The following FOXP2 variants were observed in gnomAD, a reference collection of about 807,000 sequenced individuals.
FOXP2 encodes forkhead box protein P2.
FOXP2 carries 12 observed loss-of-function variants against 115.8 expected under a neutral mutation model. That is an observed-to-expected ratio of 0.10 (90% confidence interval 0.07 to 0.17). The LOEUF is 0.17. Among genes scored for constraint, FOXP2 ranks in the 10% least tolerant of loss-of-function variants. The pLI, the probability that FOXP2 is intolerant of heterozygous loss-of-function variation, is 1.00. For synonymous variants in FOXP2, 328 were observed against 297.7 expected, an observed-to-expected ratio of 1.10 and a Z score of -1.05; for missense variants, 629 against 843.5, an observed-to-expected ratio of 0.75 and a Z score of 3.15.
chr7:114,267,304 C>T (rs781370584), intron 1 of FOXP2, among the ~76,000 whole-genome samples: 4 of 152,056 alleles, frequency 2.6e-5, no homozygotes, highest in Admixed American at 6.6e-5. Context: ...TTGCAAGTAT[C>T]GCCAAATTCA....
chr7:114,316,653 G>C (rs1276060887), intron 2 of FOXP2, among the ~76,000 whole-genome samples: 1 of 152,084 alleles, frequency 6.6e-6, no homozygotes, highest in Admixed American at 6.6e-5. Flanking sequence ...GTAGATATGA[G>C]AGAAGAGCAT....
intron 1 of FOXP2, among the ~76,000 whole-genome samples, chr7:114,145,379 A>G (rs1376913168): frequency 6.6e-6 from 1 of 152,004 alleles, no homozygotes; most frequent in African/African-American, 2.4e-5. Context: ...GAAATAGATA[A>G]CTTTGAATAA....
chr7:114,275,066 C>T (rs569267465), intron 1 of FOXP2, among the ~76,000 whole-genome samples: 1 of 151,946 alleles, frequency 6.6e-6, no homozygotes, highest in South Asian at 2.1e-4. Flanking sequence ...TTCTTTTCCT[C>T]TTTATTTTTT....
At chr7:114,490,760 G>T (rs571105437) in intron 2 of FOXP2, among the ~76,000 whole-genome samples, 56 of 152,108 alleles carry the variant, frequency 3.7e-4, no homozygotes, top group African/African-American at 1.2e-3. Flanking sequence ...GCGGTGTTTG[G>T]TTTTTTGTCC....
At chr7:114,217,403 A>G (rs967192204) in intron 1 of FOXP2, among the ~76,000 whole-genome samples, 1 of 152,336 alleles carries the variant, frequency 6.6e-6, no homozygotes, top group African/African-American at 2.4e-5. Flanking sequence ...TTTACTAGGA[A>G]CAAAATGGTT....
At chr7:114,381,750 T>G (rs1488837627) in intron 2 of FOXP2, among the ~76,000 whole-genome samples, 1 of 152,108 alleles carries the variant, frequency 6.6e-6, no homozygotes, top group East Asian at 1.9e-4. Context: ...ACTCCTAAAA[T>G]TGGAGTCTTG....
chr7:114,610,172 A>C (rs985640690), intron 3 of FOXP2, among the ~76,000 whole-genome samples: 4 of 152,206 alleles, frequency 2.6e-5, no homozygotes, highest in Non-Finnish European at 5.9e-5. Flanking sequence ...TCAATTATTC[A>C]TAGTTAACAT....
intron 1 of FOXP2, among the ~76,000 whole-genome samples, chr7:114,167,887 G>A (rs1793025236): frequency 7.1e-6 from 1 of 140,734 alleles, no homozygotes; most frequent in Non-Finnish European, 1.5e-5. Context: ...AGTGAGCCGA[G>A]ATTACACCAC....
intron 2 of FOXP2, among the ~76,000 whole-genome samples, chr7:114,314,197 A>AT (rs1256528167): frequency 2.0e-5 from 3 of 151,140 alleles, no homozygotes; most frequent in Admixed American, 2.0e-4. Flanking sequence ...AAAGATTATC[A>AT]TAAGTAATGA....
At chr7:114,554,434 T>TGG (rs748934677) in intron 3 of FOXP2, among the ~76,000 whole-genome samples, 2 of 152,206 alleles carry the variant, frequency 1.3e-5, no homozygotes, top group African/African-American at 2.4e-5. Flanking sequence ...TATTGGCTAA[T>TGG]GAAACTTGGT....
chr7:114,279,002 G>C (rs537982959), intron 1 of FOXP2, among the ~76,000 whole-genome samples: 6 of 152,142 alleles, frequency 3.9e-5, no homozygotes, highest in African/African-American at 1.4e-4. Context: ...GGGTTATATG[G>C]GTAGATTAGA....
At chr7:114,397,566 C>T (rs558880642) in intron 2 of FOXP2, among the ~76,000 whole-genome samples, 40 of 152,046 alleles carry the variant, frequency 2.6e-4, no homozygotes, top group African/African-American at 9.4e-4. Context: ...AATGAAGGAG[C>T]GTTGCAAAGA....
intron 1 of FOXP2, among the ~76,000 whole-genome samples, chr7:114,420,164 A>G (rs1008225667): frequency 2.0e-5 from 3 of 151,906 alleles, no homozygotes; most frequent in Non-Finnish European, 2.9e-5. Flanking sequence ...ATGTGGCAGG[A>G]AAGGTGAAAA....
intron 2 of FOXP2, among the ~76,000 whole-genome samples, chr7:114,484,431 A>G (rs1796685227): frequency 6.6e-6 from 1 of 151,884 alleles, no homozygotes; most frequent in South Asian, 2.1e-4. Flanking sequence ...CAGTGGTCAA[A>G]TGGCCAGTAT....
At chr7:114,653,905 G>C (rs200423266) in intron 9 of FOXP2, 21 bp from the exon 10 acceptor site, 1 of 1,610,304 alleles carries the variant, frequency 6.2e-7, no homozygotes, top group Non-Finnish European at 8.5e-7. Context: ...AAACGCTTCT[G>C]ATCTCACTCT....
At chr7:114,552,285 T>A (rs1430097914) in intron 3 of FOXP2, among the ~76,000 whole-genome samples, 1 of 152,178 alleles carries the variant, frequency 6.6e-6, no homozygotes, top group Non-Finnish European at 1.5e-5. Context: ...TAAGCCTCTG[T>A]GCTATTTGGG....
intron 2 of FOXP2, among the ~76,000 whole-genome samples, chr7:114,391,339 A>G (rs962828043): frequency 6.6e-6 from 1 of 152,182 alleles, no homozygotes; most frequent in Admixed American, 6.5e-5. Flanking sequence ...TGGGTTAAAC[A>G]TCTGCTTAGA....
At chr7:114,276,485 T>C (rs536660667) in intron 1 of FOXP2, among the ~76,000 whole-genome samples, 2 of 152,190 alleles carry the variant, frequency 1.3e-5, no homozygotes, top group East Asian at 1.9e-4. Flanking sequence ...TTTTAAATGG[T>C]TCTTTTTCCC....
At chr7:114,652,110 C>T (rs1277882040) in intron 8 of FOXP2, 93 bp from the exon 9 acceptor site, 5 of 1,143,122 alleles carry the variant, frequency 4.4e-6, no homozygotes, top group Non-Finnish European at 6.6e-6. Flanking sequence ...TGCACAGAAA[C>T]ATCTGACTTC....
Sources: gnomAD v4.1 joint callset for allele counts (sites outside exome capture counted in the v4.1 genomes callset) on GRCh38, gnomAD v4.1.1 for gene constraint, MANE v1.5 for transcripts, NCBI Gene and HGNC (gene_info 2026-07-23, HGNC 2026-07-21) for gene names.